The following LRRC7 variants were observed in gnomAD, a reference collection of about 807,000 sequenced individuals.
LRRC7 encodes leucine rich repeat containing 7.
In LRRC7, 23 loss-of-function variants were observed where a neutral mutation model predicts 175.7. That is an observed-to-expected ratio of 0.13 (90% CI 0.09 to 0.19). The LOEUF is 0.19. LRRC7 is among the 10% of genes least tolerant of loss of function. The pLI is 1.00. For synonymous variants in LRRC7, 685 were observed against 680.9 expected (o/e 1.01, Z -0.09); for missense variants, 1,354 against 1,904.7 (o/e 0.71, Z 5.38).
chr1:69,695,934 G>A (rs751234217), intron 2 of LRRC7, among the ~76,000 whole-genome samples: 1 of 152,318 alleles, frequency 6.6e-6, no homozygotes, highest in Middle Eastern at 3.4e-3. Context: ...GAAACCTGCT[G>A]CAGAGACAGA....
chr1:70,052,042 T>C (rs1361130003), intron 22 of LRRC7, among the ~76,000 whole-genome samples: 2 of 152,068 alleles, frequency 1.3e-5, no homozygotes, highest in Non-Finnish European at 2.9e-5. Flanking sequence ...GCTTTATCAG[T>C]AGGGATCCTT....
chr1:69,679,192 T>C (rs1660171759), intron 2 of LRRC7, among the ~76,000 whole-genome samples: 1 of 152,092 alleles, frequency 6.6e-6, no homozygotes, highest in African/African-American at 2.4e-5. Context: ...ATACCAAGTT[T>C]CCTCATGGTA....
chr1:69,593,287 A>T (rs1646710773), intron 1 of LRRC7, among the ~76,000 whole-genome samples: 1 of 152,172 alleles, frequency 6.6e-6, no homozygotes, highest in South Asian at 2.1e-4. Context: ...AAGTAAGGTC[A>T]TGAACAACCT....
chr1:69,894,220 T>C (rs1320905077), intron 7 of LRRC7, among the ~76,000 whole-genome samples: 1 of 152,206 alleles, frequency 6.6e-6, no homozygotes, highest in Non-Finnish European at 1.5e-5. Context: ...TATCTTGAAG[T>C]AGGTATTATT....
intron 7 of LRRC7, among the ~76,000 whole-genome samples, chr1:69,850,477 A>C (rs1682854336): frequency 6.6e-6 from 1 of 152,006 alleles, no homozygotes; most frequent in Non-Finnish European, 1.5e-5. Context: ...CTCTAGAGAG[A>C]AGGGATTTTA....
chr1:69,763,687 C>A (rs1297001613), intron 3 of LRRC7, among the ~76,000 whole-genome samples: 2 of 151,944 alleles, frequency 1.3e-5, no homozygotes, highest in African/African-American at 4.8e-5. Flanking sequence ...GGAAAAATGC[C>A]TCAAAATCAA....
intron 2 of LRRC7, among the ~76,000 whole-genome samples, chr1:69,732,244 A>T (rs1667655733): frequency 6.6e-6 from 1 of 152,066 alleles, no homozygotes; most frequent in African/African-American, 2.4e-5. Flanking sequence ...AAATAAAGGA[A>T]ATACTTAATA....
intron 1 of LRRC7, among the ~76,000 whole-genome samples, chr1:69,579,465 T>C (rs1557427981): frequency 6.6e-6 from 1 of 152,184 alleles, no homozygotes; most frequent in Non-Finnish European, 1.5e-5. Flanking sequence ...ATATGGACCA[T>C]TCATTCATTC....
intron 25 of LRRC7, among the ~76,000 whole-genome samples, chr1:70,102,655 G>A (rs937192993): frequency 1.3e-4 from 20 of 152,146 alleles, no homozygotes; most frequent in African/African-American, 3.9e-4. Flanking sequence ...GTGAGCCACC[G>A]TGCCTGGCAG....
intron 2 of LRRC7, among the ~76,000 whole-genome samples, chr1:69,742,056 A>G (rs1399723005): frequency 6.6e-6 from 1 of 152,046 alleles, no homozygotes; most frequent in African/African-American, 2.4e-5. Context: ...CTAAAAACAT[A>G]TGTGTAGGTG....
At chr1:69,591,351 T>C (rs1035837038) in intron 1 of LRRC7, among the ~76,000 whole-genome samples, 1 of 150,272 alleles carries the variant, frequency 6.7e-6, no homozygotes, top group Admixed American at 6.6e-5. Flanking sequence ...TGTCTGAGAA[T>C]TTTTTTGGGT....
intron 1 of LRRC7, among the ~76,000 whole-genome samples, chr1:69,621,085 C>T (rs548446039): frequency 6.0e-5 from 9 of 151,078 alleles, no homozygotes; most frequent in African/African-American, 2.2e-4. Flanking sequence ...ACTCTTGTTG[C>T]CCAGGCTGGA....
rs1049781612 is a variant in LRRC7, at chr1:69,826,917, A to G, written c.500+1091A>G. 7.9e-5 allele frequency among the ~76,000 whole-genome samples: 12 copies of G among 152,202 alleles called. No homozygotes were observed. In the East Asian group the frequency reaches 9.7e-4, roughly 12 times the overall value. On this transcript the variant is annotated intron_variant, in intron 5 of 26. Coordinates refer to ENST00000651989, the MANE Select transcript of LRRC7 (RefSeq NM_001370785.2). ...GGAAGAGGCTCTAGACAAGGTGAGG[A>G]GTGAAATAGATGTAAAAGAATGAGA...
At chr1:69,907,675 G>C (rs1646366089) in intron 7 of LRRC7, among the ~76,000 whole-genome samples, 1 of 152,144 alleles carries the variant, frequency 6.6e-6, no homozygotes, top group Non-Finnish European at 1.5e-5. Context: ...GTATTTTATT[G>C]AGGATTTTTC....
intron 24 of LRRC7, among the ~76,000 whole-genome samples, chr1:70,078,818 A>G (rs1313493479): frequency 7.1e-6 from 1 of 140,656 alleles, no homozygotes; most frequent in Non-Finnish European, 1.5e-5. Context: ...GCGCACACAC[A>G]CACACGCACA....
At chr1:69,917,930 A>G (rs1646769871) in intron 7 of LRRC7, among the ~76,000 whole-genome samples, 1 of 152,136 alleles carries the variant, frequency 6.6e-6, no homozygotes, top group African/African-American at 2.4e-5. Context: ...CTCTTTCAGT[A>G]TTTTCATTAT....
chr1:69,808,225 C>T (rs533252264), intron 4 of LRRC7, among the ~76,000 whole-genome samples: 32 of 151,588 alleles, frequency 2.1e-4, no homozygotes, highest in African/African-American at 7.5e-4. Context: ...TTCTTAGCTT[C>T]CTTGCATTAG....
At chr1:69,682,255 A>G (rs1660582581) in intron 2 of LRRC7, among the ~76,000 whole-genome samples, 1 of 152,108 alleles carries the variant, frequency 6.6e-6, no homozygotes, top group Non-Finnish European at 1.5e-5. Flanking sequence ...ACCCAAGATA[A>G]TTTCAATTTT....
At chr1:70,073,302 T>C (rs1012746894) in intron 23 of LRRC7, among the ~76,000 whole-genome samples, 1 of 152,104 alleles carries the variant, frequency 6.6e-6, no homozygotes, top group Non-Finnish European at 1.5e-5. Flanking sequence ...AAAATCAGCA[T>C]AATCCTGAGC....
Sources: allele counts gnomAD v4.1 joint callset (sites outside exome capture counted in the v4.1 genomes callset), GRCh38; gene constraint gnomAD v4.1.1; transcripts MANE v1.5; gene names NCBI Gene and HGNC (gene_info 2026-07-23, HGNC 2026-07-21).